The following TGM3 variants were observed in gnomAD, a reference collection of about 807,000 sequenced individuals.
TGM3 encodes the protein transglutaminase 3.
In TGM3, 52 loss-of-function variants were observed where a neutral mutation model predicts 73.8. The observed-to-expected ratio is 0.70, with a 90% CI of 0.56 to 0.89. The LOEUF (loss-of-function observed/expected upper bound fraction) is 0.89, where lower values mean the gene tolerates loss of function less well. Ranked by LOEUF, TGM3 falls within the 40% of genes least tolerant of loss-of-function variation. The probability of loss-of-function intolerance (pLI) is 0.00; values close to 1 mark genes in which losing one functional copy is unlikely to be tolerated. For synonymous variants in TGM3, 372 were observed against 354.9 expected, an observed-to-expected ratio of 1.05 and a Z score of -0.54; for missense variants, 928 against 909.9, an observed-to-expected ratio of 1.02 and a Z score of -0.26.
At chr20:2,317,303 G>C in intron 6 of TGM3, 47 bp from the exon 7 acceptor site, 1 of 1,613,996 alleles carries the variant, frequency 6.2e-7, no homozygotes, top group Non-Finnish European at 8.5e-7. Flanking sequence ...GCTATGCCAA[G>C]GTACCATCTC....
chr20:2,335,194 C>A lies in TGM3; in HGVS notation c.1721C>A (p.Ala574Glu), dbSNP rs549533086. 2 of 1,614,226 alleles carry A rather than the reference C, an allele frequency of 1.2e-6. No individual in the cohort carries two copies. The highest frequency in any genetic ancestry group is 2.2e-5 in the East Asian group (1 of 44,884). ...LKSDNMIRITAVCKVPDESEV... is the reference protein window; with the variant it reads ...LKSDNMIRITEVCKVPDESEV... ...TCAGACAACATGATCCGGATCACAG[C>A]GGTGTGCAAGGTCCCAGATGAGTCT... The change falls in exon 11 of 13, where the codon GCG (alanine) becomes GAG (glutamate). Residue 574 changes from alanine to glutamate, a missense_variant. Ala to Glu is a moderately radical substitution (Grantham distance 107). Transcript: ENST00000381458.
intron 11 of TGM3, among the ~76,000 whole-genome samples, chr20:2,336,207 G>GC (rs3838045): frequency 0.31 from 47,208 of 151,946 alleles, 7,625 homozygotes; most frequent in East Asian, 0.47. Flanking sequence ...TCACCCTGTA[G>GC]CCCCTGTGCC....
intron 12 of TGM3, 118 bp downstream of exon 12, chr20:2,340,105 G>T (rs1344041532): frequency 7.7e-7 from 1 of 1,305,254 alleles, no homozygotes. Flanking sequence ...TACTCTTTTG[G>T]GGGTCTTGGA....
chr20:2,309,455 T>C (rs1282120718), intron 1 of TGM3, among the ~76,000 whole-genome samples: 1 of 152,218 alleles, frequency 6.6e-6, no homozygotes, highest in Non-Finnish European at 1.5e-5. Flanking sequence ...TAACTGAGTC[T>C]GGAAAGATTG....
intron 1 of TGM3, among the ~76,000 whole-genome samples, chr20:2,306,732 C>T (rs1440478404): frequency 6.6e-6 from 1 of 152,190 alleles, no homozygotes. Flanking sequence ...CCACCTTGGC[C>T]TCCCAAAATG....
At chr20:2,321,965 G>T (rs1465460876) in intron 7 of TGM3, among the ~76,000 whole-genome samples, 1 of 151,070 alleles carries the variant, frequency 6.6e-6, no homozygotes, top group African/African-American at 2.4e-5. Flanking sequence ...TTTTTAACCA[G>T]CCTGCCCTTC....
rs1335768228 is a variant in TGM3 at position 2,309,746 on chromosome 20, C to T, written c.97C>T (p.Arg33Trp). Residue 33 changes from arginine to tryptophan, a missense_variant, in exon 2 of 13, where the codon CGG becomes TGG. Coordinates refer to ENST00000381458, the MANE Select transcript of TGM3 (RefSeq NM_003245.4). ...GTTCTCCAGCCAGGAGCTCATCTTG[C>T]GGAGAGGCCAAAACTTCCAGGTCTT... ...DKFSSQELIL[R>W]RGQNFQVLMI... 9.3e-6 allele frequency: 15 copies of T among 1,614,168 alleles called. No homozygotes were observed. Among genetic ancestry groups the T allele is most frequent in the Admixed American group, 5.0e-5 (3 of 60,020 alleles).
intron 1 of TGM3, among the ~76,000 whole-genome samples, chr20:2,303,309 A>G (rs925745818): frequency 2.0e-5 from 3 of 152,064 alleles, no homozygotes; most frequent in African/African-American, 7.2e-5. Flanking sequence ...TCAAAAAAAA[A>G]GAAAAGAAAA....
chr20:2,301,437 G>C (rs189627380), intron 1 of TGM3, among the ~76,000 whole-genome samples: 4 of 144,200 alleles, frequency 2.8e-5, no homozygotes, highest in Admixed American at 7.0e-5. Context: ...CTGTCATGTG[G>C]GCATACTAGA....
intron 6 of TGM3, 41 bp from the exon 7 acceptor site, chr20:2,317,309 A>T (rs780932147): frequency 6.2e-7 from 1 of 1,614,032 alleles, no homozygotes; most frequent in Admixed American, 1.7e-5. Flanking sequence ...CCAAGGTACC[A>T]TCTCCACCAC....
At chr20:2,300,738 A>G (rs1428198679) in intron 1 of TGM3, among the ~76,000 whole-genome samples, 1 of 152,226 alleles carries the variant, frequency 6.6e-6, no homozygotes, top group Non-Finnish European at 1.5e-5. Context: ...ATTAAAAAAC[A>G]TAACGCAGGT....
intron 8 of TGM3, among the ~76,000 whole-genome samples, chr20:2,327,303 T>C (rs1235788287): frequency 6.7e-6 from 1 of 149,602 alleles, no homozygotes; most frequent in East Asian, 1.9e-4. Context: ...ACCCCGTCTC[T>C]ACTAAAATTA....
At chr20:2,326,654 G>A (rs1044739148) in intron 8 of TGM3, among the ~76,000 whole-genome samples, 2 of 152,118 alleles carry the variant, frequency 1.3e-5, no homozygotes, top group African/African-American at 4.8e-5. Flanking sequence ...TTCAAGACCA[G>A]CCTGACCAAC....
chr20:2,301,820 C>A (rs112522886), intron 1 of TGM3, among the ~76,000 whole-genome samples: 2,828 of 152,200 alleles, frequency 0.019, 96 homozygotes, highest in African/African-American at 0.063. Context: ...CCTGCCTCAG[C>A]CTACCAAGTA....
chr20:2,299,637 T>A (rs1384334161), intron 1 of TGM3, among the ~76,000 whole-genome samples: 1 of 152,172 alleles, frequency 6.6e-6, no homozygotes, highest in Non-Finnish European at 1.5e-5. Context: ...TTTTCCTTAT[T>A]TGTAAAAAGA....
In TGM3 at chr20:2,334,802, A is replaced by G. The variant is rs1286857021; in HGVS notation, c.1643-314A>G. Among the ~76,000 whole-genome samples the G allele has an allele frequency of 6.6e-6, 1 of 152,204 alleles. No individual in the cohort carries two copies. The highest frequency in any genetic ancestry group is 2.4e-5 in the African/African-American group (1 of 41,450). ...CTACAAATAATTTAAAAAATTTTAA[A>G]AAAAAAGGACACTTGCCCTCCAACA... On this transcript the variant is annotated intron_variant, in intron 10 of 12. Transcript: ENST00000381458. The surrounding 1 kb of genome is among the most constrained non-coding windows in gnomAD (Gnocchi z 4.0).
chr20:2,338,194 G>A (rs45503993), intron 11 of TGM3, among the ~76,000 whole-genome samples: 3,177 of 152,196 alleles, frequency 0.021, 109 homozygotes, highest in African/African-American at 0.071. Flanking sequence ...CACAAAACCA[G>A]GCCAAAAACA....
rs768265738 is a variant in TGM3, at chr20:2,310,369, T to C, written c.373T>C (p.Ser125Pro). 2 of 1,614,222 alleles carry C rather than the reference T, an allele frequency of 1.2e-6. No individual in the cohort carries two copies. The highest frequency in any genetic ancestry group is 3.3e-5 in the Admixed American group (2 of 60,030). ...GATCTTCTCCCAGGGCGGCATCTCC[T>C]CTGTGAAACTTGGGACGTTCATACT... Reference protein sequence around the residue: ...LQIFSQGGISSVKLGTFILLF... With the variant: ...LQIFSQGGISPVKLGTFILLF... The change falls in exon 3 of 13, where the codon TCT becomes CCT. Residue 125 changes from serine (S) to proline (P), a missense_variant. Transcript: ENST00000381458.
intron 7 of TGM3, among the ~76,000 whole-genome samples, chr20:2,322,176 C>T (rs1351992378): frequency 6.6e-6 from 1 of 151,896 alleles, no homozygotes; most frequent in Non-Finnish European, 1.5e-5. Flanking sequence ...TTTTATGATG[C>T]CCTTTTAAAA....
Sources: gnomAD v4.1 joint callset for allele counts (sites outside exome capture counted in the v4.1 genomes callset) on GRCh38, gnomAD v4.1.1 for gene constraint, Gnocchi (gnomAD v3.1) non-coding constraint, MANE v1.5 for transcripts, NCBI Gene and HGNC (gene_info 2026-07-23, HGNC 2026-07-21) for gene names.